HECTD4: variants seen among roughly 807,000 people sequenced by gnomAD.
HECTD4 encodes probable E3 ubiquitin-protein ligase HECTD4.
HECTD4 carries 114 observed loss-of-function variants against 471.5 expected under a neutral mutation model. That is an observed-to-expected ratio of 0.24 (90% CI 0.21 to 0.28). The LOEUF is 0.28. HECTD4 is among the 10% of genes least tolerant of loss of function. The pLI is 1.00. For missense variants in HECTD4, 3,866 were observed against 5,651.5 expected, an observed-to-expected ratio of 0.68 and a Z score of 10.13; for synonymous variants, 2,012 against 2,256.0, an observed-to-expected ratio of 0.89 and a Z score of 3.07.
rs2135779346 is a variant in HECTD4, at chr12:112,382,315, A to G, written c.-187T>C. On this transcript the variant is annotated 5_prime_UTR_variant, in exon 1 of 76. Coordinates refer to ENST00000682272, the MANE Select transcript of HECTD4 (RefSeq NM_001388303.1). ...GCCATACCCCCGACCCCGGCCCGGGAGACCCCGGCCCTGCCGCCGCCGCCG... is the reference window on the plus strand; with the variant it reads ...GCCATACCCCCGACCCCGGCCCGGGGGACCCCGGCCCTGCCGCCGCCGCCG... 6.8e-6 allele frequency: 3 copies of G among 444,102 alleles called. No individual in the cohort carries two copies. Among genetic ancestry groups the G allele is most frequent in the Non-Finnish European group, 1.0e-5 (3 of 288,046 alleles). 27.5% of individuals were successfully genotyped at this position (444,102 alleles called of 1,614,324 possible).
At chr12:112,325,177 G>A (rs2135709202) in intron 1 of HECTD4, among the ~76,000 whole-genome samples, 1 of 152,038 alleles carries the variant, frequency 6.6e-6, no homozygotes, top group East Asian at 1.9e-4. Flanking sequence ...AATATACTCT[G>A]CATTTTTCTG....
At chr12:112,364,417 A>G (rs57826345) in intron 1 of HECTD4, among the ~76,000 whole-genome samples, 1 of 109,430 alleles carries the variant, frequency 9.1e-6, no homozygotes, top group Non-Finnish European at 1.8e-5. Context: ...TCAAAAAAAA[A>G]AAAAAATAAA....
rs373589146 is a variant in HECTD4 at position 112,232,999 on chromosome 12, G to T, written c.5997+5C>A. The T allele has an allele frequency of 1.2e-6, 2 of 1,608,308 alleles. No homozygotes were observed. The highest frequency in any genetic ancestry group is 1.7e-6 in the Non-Finnish European group (2 of 1,176,830). Reference sequence around the variant, plus strand: ...GGTTTCATCGTTTTAACCTCATGAGGTTACCTTGGTCATGTCTCGATCCAT... The same window carrying T: ...GGTTTCATCGTTTTAACCTCATGAGTTTACCTTGGTCATGTCTCGATCCAT... On this transcript the variant is annotated splice_donor_5th_base_variant and intron_variant, in intron 38 of 75. Coordinates refer to ENST00000682272, the MANE Select transcript of HECTD4 (RefSeq NM_001388303.1).
chr12:112,247,721 T>C (rs1005367812), intron 27 of HECTD4, among the ~76,000 whole-genome samples, 171 bp from the exon 28 acceptor site: 6 of 152,202 alleles, frequency 3.9e-5, no homozygotes, highest in African/African-American at 1.4e-4. Flanking sequence ...AAAATGGCAT[T>C]GACTACTTTC....
intron 1 of HECTD4, among the ~76,000 whole-genome samples, chr12:112,324,041 C>CTTTCTTTCTTTCTTT (rs1566112078): frequency 1.1e-4 from 2 of 17,596 alleles, no homozygotes; most frequent in Non-Finnish European, 2.0e-4. Flanking sequence ...TTCCTTCCTT[C>CTTTCTTTCTTTCTTT]CTTCCTTTCT....
At chr12:112,347,523 AG>A (rs1282095018) in intron 1 of HECTD4, among the ~76,000 whole-genome samples, 1 of 152,192 alleles carries the variant, frequency 6.6e-6, no homozygotes, top group Non-Finnish European at 1.5e-5. Flanking sequence ...AACACAAAAA[AG>A]AAAGAAAAGA....
rs202238133 is a variant in HECTD4 at position 112,241,178 on chromosome 12, A to AT, written c.4959-1152dup. Among the ~76,000 whole-genome samples, 8 of 151,070 alleles carry AT rather than the reference A, an allele frequency of 5.3e-5. No homozygotes were observed. The East Asian group carries it at 5.8e-4, about 11-fold the overall frequency. ...CATTGTATTTTTTGGCATTTTCTAC[A>AT]TTTTTTTTTCAAGTTTCTGACAAAT... On this transcript the variant is annotated intron_variant, in intron 32 of 75. Coordinates refer to ENST00000682272, the MANE Select transcript of HECTD4 (RefSeq NM_001388303.1).
At position 112,162,195 on chromosome 12, in the gene HECTD4, A is replaced by G; in HGVS notation, c.*192T>C. On this transcript the variant is annotated 3_prime_UTR_variant, in exon 76 of 76. Coordinates refer to ENST00000682272, the MANE Select transcript of HECTD4 (RefSeq NM_001388303.1). The surrounding 1 kb of genome is among the most constrained non-coding windows in gnomAD (Gnocchi z 5.2). Reference sequence around the variant, plus strand: ...ACCACAAACAGGCAGCAAAAGAACCAACCCATCACGAAACGTACAAAGACA... The same window carrying G: ...ACCACAAACAGGCAGCAAAAGAACCGACCCATCACGAAACGTACAAAGACA... The G allele has an allele frequency of 1.7e-6, 1 of 593,652 alleles. No homozygotes were observed. 36.8% of individuals were successfully genotyped at this position (593,652 alleles called of 1,614,324 possible).
Position 112,265,258 on chromosome 12 carries a change from C to T in HECTD4, c.2536G>A (p.Val846Ile). 1 of 1,588,188 alleles carries T rather than the reference C, an allele frequency of 6.3e-7. No homozygotes were observed. The highest frequency in any genetic ancestry group is 8.6e-7 in the Non-Finnish European group (1 of 1,162,756). ...DELLHYILKIVVRESCILITK... is the reference protein window; with the variant it reads ...DELLHYILKIIVRESCILITK... ...ATTAAGATACAGGATTCTCGTACAACAATCTTCAGAATGTAGTGTAAAAGT... is the reference window on the plus strand; with the variant it reads ...ATTAAGATACAGGATTCTCGTACAATAATCTTCAGAATGTAGTGTAAAAGT... Residue 846 changes from valine (V) to isoleucine (I), a missense_variant, in exon 16 of 76, where the codon GTT becomes ATT. Physicochemically the swap from Val to Ile is conservative, Grantham distance 29 (BLOSUM62 3). Transcript: ENST00000682272.
At chr12:112,282,773 C>T (rs1384011069) in intron 8 of HECTD4, among the ~76,000 whole-genome samples, 2 of 152,144 alleles carry the variant, frequency 1.3e-5, no homozygotes, top group African/African-American at 4.8e-5. Context: ...TTGGTCAAGA[C>T]TGTATTTAGG....
chr12:112,224,410 GT>G (rs1477851461), intron 44 of HECTD4, among the ~76,000 whole-genome samples: 1 of 151,942 alleles, frequency 6.6e-6, no homozygotes, highest in Non-Finnish European at 1.5e-5. Context: ...GGGACTACAG[GT>G]GCCCGCCACC....
At chr12:112,323,982 CTT>C (rs2035659643) in intron 1 of HECTD4, among the ~76,000 whole-genome samples, 1 of 22,676 alleles carries the variant, frequency 4.4e-5, no homozygotes, top group Non-Finnish European at 7.1e-5. Flanking sequence ...TCCTTCCTTC[CTT>C]CCTTCCTTCC....
At chr12:112,183,016 C>T in intron 62 of HECTD4, 43 bp downstream of exon 62, 3 of 1,435,728 alleles carry the variant, frequency 2.1e-6, no homozygotes, top group Non-Finnish European at 2.9e-6. Context: ...CCTAAAATTG[C>T]TCCACAAAAA....
intron 25 of HECTD4, chr12:112,249,943 C>T (rs905225749): frequency 5.2e-6 from 3 of 577,604 alleles, no homozygotes; most frequent in African/African-American, 3.8e-5. Context: ...GCCAATGCTG[C>T]TGACTGGTGG....
intron 64 of HECTD4, 141 bp downstream of exon 64, chr12:112,178,790 C>G (rs1188496399): frequency 3.0e-6 from 3 of 1,008,194 alleles, no homozygotes; most frequent in Non-Finnish European, 4.2e-6. Flanking sequence ...CCGCTGCACT[C>G]CAGCCTGGGC....
intron 61 of HECTD4, 43 bp from the exon 62 acceptor site, chr12:112,183,309 C>G: frequency 6.8e-7 from 1 of 1,465,484 alleles, no homozygotes; most frequent in Non-Finnish European, 9.5e-7. Context: ...GTAGCTTGAC[C>G]AGTCATTCAG....
chr12:112,359,658 A>G (rs1339145092), intron 1 of HECTD4, among the ~76,000 whole-genome samples: 1 of 151,730 alleles, frequency 6.6e-6, no homozygotes, highest in East Asian at 1.9e-4. Context: ...GCCTCCAGTA[A>G]TCCACTCACC....
rs545641633 is a variant in HECTD4, at chr12:112,215,380, T to C, written c.7465+912A>G. On this transcript the variant is annotated intron_variant, in intron 48 of 75. Coordinates refer to ENST00000682272, the MANE Select transcript of HECTD4 (RefSeq NM_001388303.1). ...TATTATAGATGAAGCCTAAGATGCA[T>C]TGTCTAAAAATAAGTAACCAACATA... is the stretch of plus-strand genomic sequence containing the variant. Among the ~76,000 whole-genome samples the C allele has an allele frequency of 1.4e-3, 218 of 152,322 alleles. 3 individuals are homozygous for C. Among genetic ancestry groups the C allele is most frequent in the African/African-American group, 4.9e-3 (204 of 41,580 alleles).
At chr12:112,167,594 G>C in intron 71 of HECTD4, 56 bp from the exon 72 acceptor site, 4 of 1,375,042 alleles carry the variant, frequency 2.9e-6, no homozygotes, top group Non-Finnish European at 4.0e-6. Flanking sequence ...TGCCCGCCAG[G>C]GAACATGTGT....
Sources: gnomAD v4.1 joint callset for allele counts (sites outside exome capture counted in the v4.1 genomes callset) on GRCh38, gnomAD v4.1.1 for gene constraint, Gnocchi (gnomAD v3.1) non-coding constraint, MANE v1.5 for transcripts, NCBI Gene and HGNC (gene_info 2026-07-23, HGNC 2026-07-21) for gene names.